TAFA2: variants seen among roughly 807,000 people sequenced by gnomAD.
The protein encoded by TAFA2 is TAFA chemokine like family member 2.
In TAFA2, 7 loss-of-function variants were observed where a neutral mutation model predicts 18.8. The ratio of observed to expected loss-of-function variants is 0.37; its 90% CI spans 0.21 to 0.70. The LOEUF (loss-of-function observed/expected upper bound fraction) is 0.70, where lower values mean the gene tolerates loss of function less well. Among genes scored for constraint, TAFA2 ranks in the 30% least tolerant of loss-of-function variants. The pLI is 0.53. For synonymous variants in TAFA2, 60 were observed against 54.2 expected, an observed-to-expected ratio of 1.11 and a Z score of -0.47; for missense variants, 122 against 158.1, an observed-to-expected ratio of 0.77 and a Z score of 1.23.
chr12:61,913,287 C>T (rs942208305), intron 1 of TAFA2, among the ~76,000 whole-genome samples: 1 of 152,176 alleles, frequency 6.6e-6, no homozygotes, highest in East Asian at 1.9e-4. Context: ...GATTACTATA[C>T]ACAGTGCCCT....
At chr12:61,918,985 C>T (rs971297767) in intron 1 of TAFA2, among the ~76,000 whole-genome samples, 36 of 152,286 alleles carry the variant, frequency 2.4e-4, no homozygotes, top group African/African-American at 8.7e-4. Flanking sequence ...ACCATAGTTC[C>T]AATCTCTTTG....
intron 2 of TAFA2, among the ~76,000 whole-genome samples, chr12:61,789,240 T>C (rs955676257): frequency 1.3e-4 from 19 of 151,956 alleles, no homozygotes; most frequent in African/African-American, 4.6e-4. Flanking sequence ...TGAATGGTAT[T>C]GCCTAGGTTT....
At chr12:61,845,645 G>A (rs943284201) in intron 2 of TAFA2, among the ~76,000 whole-genome samples, 1 of 152,118 alleles carries the variant, frequency 6.6e-6, no homozygotes, top group African/African-American at 2.4e-5. Flanking sequence ...AGGTAAGCAT[G>A]GTAGTTTAGT....
chr12:62,257,846 T>C (rs2062947985), intron 1 of TAFA2, among the ~76,000 whole-genome samples: 1 of 152,202 alleles, frequency 6.6e-6, no homozygotes, highest in African/African-American at 2.4e-5. Flanking sequence ...TACTTAATTA[T>C]TCAGTAGGGA....
intron 2 of TAFA2, among the ~76,000 whole-genome samples, chr12:61,764,524 AGT>A (rs947496587): frequency 1.3e-5 from 2 of 151,990 alleles, no homozygotes; most frequent in African/African-American, 4.8e-5. Context: ...GTCCCTGAAG[AGT>A]GTGACTTGGA....
chr12:62,073,580 A>G (rs1319062165), intron 1 of TAFA2, among the ~76,000 whole-genome samples: 1 of 152,048 alleles, frequency 6.6e-6, no homozygotes, highest in Non-Finnish European at 1.5e-5. Flanking sequence ...TATATTATAG[A>G]TAAGAAAACT....
chr12:62,049,326 G>C (rs1364243213), intron 1 of TAFA2, among the ~76,000 whole-genome samples: 1 of 152,188 alleles, frequency 6.6e-6, no homozygotes, highest in East Asian at 1.9e-4. Flanking sequence ...TTTCATGTGA[G>C]ATGATGCATT....
At chr12:62,207,714 CTCAA>C (rs1184308009) in intron 1 of TAFA2, among the ~76,000 whole-genome samples, 1 of 152,138 alleles carries the variant, frequency 6.6e-6, no homozygotes, top group Admixed American at 6.6e-5. Flanking sequence ...CAATGTTATA[CTCAA>C]TCAAAGATCA....
At chr12:62,240,170 G>A (rs2062856020) in intron 1 of TAFA2, among the ~76,000 whole-genome samples, 1 of 151,934 alleles carries the variant, frequency 6.6e-6, no homozygotes, top group Non-Finnish European at 1.5e-5. Flanking sequence ...TGTAATCCCA[G>A]CACTCTGGGA....
intron 2 of TAFA2, among the ~76,000 whole-genome samples, chr12:61,789,587 T>C (rs763486282): frequency 6.6e-6 from 1 of 151,814 alleles, no homozygotes; most frequent in African/African-American, 2.4e-5. Context: ...AAATACCTAA[T>C]GTAGATAATG....
At chr12:61,772,978 A>G (rs1870098959) in intron 2 of TAFA2, among the ~76,000 whole-genome samples, 1 of 151,976 alleles carries the variant, frequency 6.6e-6, no homozygotes, top group African/African-American at 2.4e-5. Flanking sequence ...CTCACCCAGA[A>G]AGCTCCTAGG....
chr12:62,002,770 AT>A (rs1400423158), intron 1 of TAFA2, among the ~76,000 whole-genome samples: 3 of 152,060 alleles, frequency 2.0e-5, no homozygotes, highest in Non-Finnish European at 4.4e-5. Flanking sequence ...CTAGCTTCAC[AT>A]TCCCAAGTCA....
chr12:61,787,387 C>T (rs73324057), intron 2 of TAFA2, among the ~76,000 whole-genome samples: 2,694 of 151,516 alleles, frequency 0.018, 76 homozygotes, highest in African/African-American at 0.06. Context: ...CAGTAGTAGA[C>T]GTAAGTTTAT....
At chr12:61,951,322 A>AT (rs1878459759) in intron 1 of TAFA2, among the ~76,000 whole-genome samples, 1 of 152,188 alleles carries the variant, frequency 6.6e-6, no homozygotes, top group East Asian at 1.9e-4. Flanking sequence ...GTTTTGAAAG[A>AT]TTTTGTAAAA....
At position 62,159,230 on chromosome 12, in the gene TAFA2, G is replaced by A. The variant is rs1236988741; in HGVS notation, c.-2+32029C>T. On this transcript the variant is annotated intron_variant, in intron 1 of 4. Coordinates refer to ENST00000416284, the MANE Select transcript of TAFA2 (RefSeq NM_178539.5). ...CACATGCAGAGTCACTCGCCAAAAG[G>A]TGGGTGCAGGAGAGAATAAAACAAA... Among the ~76,000 whole-genome samples, 5 of 152,166 alleles carry A rather than the reference G, an allele frequency of 3.3e-5. No individual in the cohort carries two copies. In the East Asian group the frequency reaches 7.7e-4, roughly 23 times the overall value.
intron 1 of TAFA2, among the ~76,000 whole-genome samples, chr12:61,961,911 A>C (rs981246995): frequency 2.0e-5 from 3 of 152,006 alleles, no homozygotes; most frequent in African/African-American, 7.2e-5. Context: ...TTTCTCCACA[A>C]ATAGGATATA....
chr12:61,943,370 C>A (rs1010522926), intron 1 of TAFA2, among the ~76,000 whole-genome samples: 1 of 151,254 alleles, frequency 6.6e-6, no homozygotes, highest in African/African-American at 2.4e-5. Context: ...TAAAGATCAT[C>A]GAGACTAGGA....
chr12:61,836,724 G>A (rs895071566), intron 2 of TAFA2, among the ~76,000 whole-genome samples: 2 of 83,342 alleles, frequency 2.4e-5, no homozygotes, highest in Non-Finnish European at 5.5e-5. Flanking sequence ...TAGAATTGTT[G>A]CCAATTTGAT....
In TAFA2 at chr12:61,808,402, T is replaced by C. The variant is rs530594178; in HGVS notation, c.107-53378A>G. 2.0e-5 allele frequency among the ~76,000 whole-genome samples: 3 copies of C among 151,598 alleles called. No homozygotes were observed. In the South Asian group the frequency reaches 6.2e-4, roughly 31 times the overall value. ...TCTTTGTAAATTTCCCAGTCTCGGG[T>C]ATGTCTTTATCAGCAGCATGAAAAT... On this transcript the variant is annotated intron_variant, in intron 2 of 4. Coordinates refer to ENST00000416284, the MANE Select transcript of TAFA2 (RefSeq NM_178539.5).
Sources: allele counts gnomAD v4.1 joint callset (sites outside exome capture counted in the v4.1 genomes callset), GRCh38; gene constraint gnomAD v4.1.1; transcripts MANE v1.5; gene names NCBI Gene and HGNC (gene_info 2026-07-23, HGNC 2026-07-21).